The following ATAD1 variants were observed in gnomAD, a reference collection of about 807,000 sequenced individuals.
ATAD1 encodes the protein ATPase family AAA domain containing 1, also known as outer mitochondrial transmembrane helix translocase.
ATAD1 carries 18 observed loss-of-function variants against 42.7 expected under a neutral mutation model. That is an observed-to-expected ratio of 0.42 (90% CI 0.29 to 0.63). The LOEUF is 0.63. Ranked by LOEUF, ATAD1 falls within the 20% of genes least tolerant of loss-of-function variation. ATAD1 has a pLI of 0.19. For synonymous variants in ATAD1, 132 were observed against 143.1 expected (o/e 0.92, Z 0.55); for missense variants, 294 against 440.4 (o/e 0.67, Z 2.98).
At chr10:87,822,981 A>G (rs1231652812), upstream of ATAD1, among the ~76,000 whole-genome samples, 1 of 151,972 alleles carries the variant, frequency 6.6e-6, no homozygotes, top group Non-Finnish European at 1.5e-5. Context: ...AATAAAAATA[A>G]GAAAGAATAA....
chr10:87,801,958 CTTTGT>C (rs1363924412), intron 2 of ATAD1, among the ~76,000 whole-genome samples: 3 of 152,076 alleles, frequency 2.0e-5, no homozygotes, highest in South Asian at 2.1e-4. Flanking sequence ...GTTGCTGATC[CTTTGT>C]TTTGTTTTTT....
intron 1 of ATAD1, among the ~76,000 whole-genome samples, chr10:87,840,570 A>G (rs1858013934): frequency 6.6e-6 from 1 of 152,212 alleles, no homozygotes. Flanking sequence ...AGGAGTGCAC[A>G]TTTGAGGGAA....
chr10:87,804,139 T>A (rs1336199163), intron 2 of ATAD1, among the ~76,000 whole-genome samples: 1 of 152,180 alleles, frequency 6.6e-6, no homozygotes, highest in Non-Finnish European at 1.5e-5. Flanking sequence ...GAGTTCCAAG[T>A]TTTTAAAGTT....
At chr10:87,817,928 A>G (rs763065257) in intron 1 of ATAD1, 29 of 985,594 alleles carry the variant, frequency 2.9e-5, no homozygotes, top group East Asian at 2.3e-4. Flanking sequence ...GGAAGAGCTA[A>G]GCAGACCCTA....
intron 1 of ATAD1, among the ~76,000 whole-genome samples, chr10:87,830,003 T>A (rs1323920168): frequency 6.6e-6 from 1 of 152,194 alleles, no homozygotes; most frequent in Non-Finnish European, 1.5e-5. Context: ...AGAAATATTT[T>A]ATGAAAGGAA....
chr10:87,788,622 C>T (rs1220461398), intron 4 of ATAD1, among the ~76,000 whole-genome samples: 1 of 152,150 alleles, frequency 6.6e-6, no homozygotes, highest in Non-Finnish European at 1.5e-5. Context: ...GGTCTTTAAA[C>T]CAAGTCCAAC....
rs1357606290 is a variant in ATAD1, at chr10:87,754,010, T to C, written c.*677A>G. ...CTGATCACTGAACTAGTATTTTCATTTGATTATCCTGACAAACATAATAAT... is the reference window on the plus strand; with the variant it reads ...CTGATCACTGAACTAGTATTTTCATCTGATTATCCTGACAAACATAATAAT... On this transcript the variant is annotated 3_prime_UTR_variant, in exon 10 of 10. Coordinates refer to ENST00000680024, the MANE Select transcript of ATAD1 (RefSeq NM_001321967.2). The C allele has an allele frequency of 2.6e-5, 4 of 152,248 alleles. No individual in the cohort carries two copies. Among genetic ancestry groups the C allele is most frequent in the Non-Finnish European group, 5.9e-5 (4 of 68,022 alleles). The allele number at this position is 152,248 out of a possible 1,614,324, so 9.4% of individuals were successfully genotyped here.
chr10:87,835,272 A>G (rs926663743), intron 1 of ATAD1, among the ~76,000 whole-genome samples: 5 of 152,028 alleles, frequency 3.3e-5, no homozygotes, highest in Non-Finnish European at 7.4e-5. Flanking sequence ...CAATTTTTCT[A>G]TATTTTTGCT....
At chr10:87,813,902 T>C (rs1857298606) in intron 2 of ATAD1, among the ~76,000 whole-genome samples, 1 of 152,050 alleles carries the variant, frequency 6.6e-6, no homozygotes, top group Non-Finnish European at 1.5e-5. Context: ...TATGTTTTGA[T>C]GACAAACAGA....
intron 2 of ATAD1, among the ~76,000 whole-genome samples, chr10:87,802,845 T>A (rs1024354112): frequency 3.3e-5 from 5 of 152,212 alleles, no homozygotes; most frequent in South Asian, 2.1e-4. Context: ...TTTTTCAATT[T>A]TTATTATTTT....
chr10:87,837,370 C>T (rs1857948576), intron 1 of ATAD1, among the ~76,000 whole-genome samples: 1 of 152,166 alleles, frequency 6.6e-6, no homozygotes, highest in South Asian at 2.1e-4. Flanking sequence ...AATGTCAATT[C>T]TGTTTTCAAA....
intron 5 of ATAD1, among the ~76,000 whole-genome samples, chr10:87,783,533 A>G (rs1855670660): frequency 6.6e-6 from 1 of 152,036 alleles, no homozygotes; most frequent in African/African-American, 2.4e-5. Flanking sequence ...TTTTCTCTCT[A>G]CATATTTACA....
chr10:87,799,308 C>T (rs1178219895), intron 2 of ATAD1, among the ~76,000 whole-genome samples: 3 of 152,076 alleles, frequency 2.0e-5, no homozygotes, highest in African/African-American at 7.2e-5. Flanking sequence ...TCTTTGCTTG[C>T]GTAATTGTTA....
chr10:87,833,007 C>A (rs1274283177), intron 1 of ATAD1: 3 of 152,132 alleles, frequency 2.0e-5, no homozygotes. Flanking sequence ...TTAGTGCCAA[C>A]ACCCAAGCTG....
At chr10:87,821,732 A>G (rs1438288001), upstream of ATAD1, among the ~76,000 whole-genome samples, 1 of 152,216 alleles carries the variant, frequency 6.6e-6, no homozygotes, top group African/African-American at 2.4e-5. Context: ...TCTGCAAGCC[A>G]GGAAGGATAC....
intron 2 of ATAD1, among the ~76,000 whole-genome samples, chr10:87,809,392 T>A (rs1857073056): frequency 6.6e-6 from 1 of 152,142 alleles, no homozygotes; most frequent in Non-Finnish European, 1.5e-5. Flanking sequence ...GGGAAATATA[T>A]TAACTTCATC....
chr10:87,837,322 T>G (rs1857947674), intron 1 of ATAD1, among the ~76,000 whole-genome samples: 1 of 152,228 alleles, frequency 6.6e-6, no homozygotes, highest in South Asian at 2.1e-4. Flanking sequence ...TTGGTTCAAG[T>G]CAAAAGTTCC....
At chr10:87,762,305 C>T (rs1485447066) in intron 8 of ATAD1, among the ~76,000 whole-genome samples, 1 of 152,182 alleles carries the variant, frequency 6.6e-6, no homozygotes, top group Admixed American at 6.5e-5. Flanking sequence ...AAAATTGTAA[C>T]TACCTTCTAG....
intron 1 of ATAD1, among the ~76,000 whole-genome samples, chr10:87,837,758 C>CT (rs1405201041): frequency 6.6e-6 from 1 of 152,170 alleles, no homozygotes; most frequent in African/African-American, 2.4e-5. Flanking sequence ...AAAAAATCAA[C>CT]TGGTGTTTAT....
Sources: gnomAD v4.1 joint callset for allele counts (sites outside exome capture counted in the v4.1 genomes callset) on GRCh38, gnomAD v4.1.1 for gene constraint, MANE v1.5 for transcripts, NCBI Gene and HGNC (gene_info 2026-07-23, HGNC 2026-07-21) for gene names.